The following PTPRD variants were observed in gnomAD, a reference collection of about 807,000 sequenced individuals.
PTPRD encodes receptor-type tyrosine-protein phosphatase delta.
Under a neutral mutation model 214.5 loss-of-function variants are expected in PTPRD, and 34 were observed. The observed-to-expected ratio is 0.16, with a 90% CI of 0.12 to 0.21. The LOEUF (loss-of-function observed/expected upper bound fraction) is 0.21, where lower values mean the gene tolerates loss of function less well. Among genes scored for constraint, PTPRD ranks in the 10% least tolerant of loss-of-function variants. PTPRD has a pLI of 1.00. For synonymous variants in PTPRD, 1,128 were observed against 845.7 expected (o/e 1.33, Z -5.79); for missense variants, 2,545 against 2,398.7 (o/e 1.06, Z -1.27).
chr9:9,052,439 T>A (rs538754058), intron 10 of PTPRD, among the ~76,000 whole-genome samples: 2 of 152,350 alleles, frequency 1.3e-5, no homozygotes, highest in South Asian at 4.1e-4. Context: ...CCCATTCCTT[T>A]GTGTCCCATA....
chr9:9,469,621 G>T (rs1446648072), intron 8 of PTPRD, among the ~76,000 whole-genome samples: 2 of 152,188 alleles, frequency 1.3e-5, no homozygotes, highest in Non-Finnish European at 2.9e-5. Flanking sequence ...ACTAATTTGA[G>T]CATATACATT....
intron 8 of PTPRD, among the ~76,000 whole-genome samples, chr9:9,437,369 T>C (rs1412877): frequency 0.29 from 44,341 of 152,000 alleles, 6,520 homozygotes; most frequent in Admixed American, 0.32. Flanking sequence ...AATTTTTGAT[T>C]GCACTGTCAC....
chr9:9,947,474 TATATATTTTA>T (rs2092832414), intron 4 of PTPRD, among the ~76,000 whole-genome samples: 1 of 39,902 alleles, frequency 2.5e-5, no homozygotes, highest in African/African-American at 1.2e-4. Context: ...CTATATATTA[TATATATTTTA>T]TATATATTAT....
At chr9:9,370,421 T>C (rs1211530032) in intron 9 of PTPRD, among the ~76,000 whole-genome samples, 1 of 151,816 alleles carries the variant, frequency 6.6e-6, no homozygotes, top group Non-Finnish European at 1.5e-5. Context: ...TTGTCTGTTA[T>C]TGGTGTATAA....
chr9:8,526,867 T>C (rs777396589), intron 16 of PTPRD, among the ~76,000 whole-genome samples: 1 of 152,064 alleles, frequency 6.6e-6, no homozygotes, highest in African/African-American at 2.4e-5. Flanking sequence ...AAGACCGCAA[T>C]AGGCAGCATT....
intron 6 of PTPRD, among the ~76,000 whole-genome samples, chr9:9,734,778 A>G (rs2098263288): frequency 6.6e-6 from 1 of 152,122 alleles, no homozygotes; most frequent in African/African-American, 2.4e-5. Context: ...ATTAAAACAA[A>G]GGAAAAAAGG....
chr9:8,375,825 T>C (rs1359180274), intron 39 of PTPRD, 111 bp downstream of exon 39: 27 of 1,291,566 alleles, frequency 2.1e-5, no homozygotes, highest in Non-Finnish European at 2.7e-5. Flanking sequence ...GAGAGCTGTA[T>C]TATTTATGAA....
chr9:10,493,686 T>A (rs551119620), intron 2 of PTPRD, among the ~76,000 whole-genome samples: 1 of 152,140 alleles, frequency 6.6e-6, no homozygotes, highest in East Asian at 1.9e-4. Context: ...ATTCTTATAT[T>A]TTCATTTTCT....
intron 10 of PTPRD, among the ~76,000 whole-genome samples, chr9:9,163,681 T>C (rs1390209424): frequency 6.6e-6 from 1 of 152,166 alleles, no homozygotes; most frequent in Non-Finnish European, 1.5e-5. Flanking sequence ...CCTACTGCCC[T>C]TATGATCAAG....
chr9:9,270,520 G>C (rs1157620797), intron 9 of PTPRD, among the ~76,000 whole-genome samples: 4 of 151,364 alleles, frequency 2.6e-5, no homozygotes, highest in Admixed American at 2.6e-4. Context: ...AACAATGGAA[G>C]GCTGACGTGG....
intron 11 of PTPRD, among the ~76,000 whole-genome samples, chr9:8,784,412 C>T (rs2154496855): frequency 6.6e-6 from 1 of 152,278 alleles, no homozygotes; most frequent in Non-Finnish European, 1.5e-5. Flanking sequence ...ATTTTCATTG[C>T]TTAAGGTGTA....
intron 5 of PTPRD, among the ~76,000 whole-genome samples, chr9:9,815,779 CAA>C (rs1443294986): frequency 1.3e-5 from 2 of 152,042 alleles, no homozygotes; most frequent in African/African-American, 4.8e-5. Flanking sequence ...GTATGTTGGT[CAA>C]AGAGTCCAGA....
intron 12 of PTPRD, among the ~76,000 whole-genome samples, chr9:8,722,109 C>A (rs897314528): frequency 2.7e-5 from 4 of 146,078 alleles, no homozygotes; most frequent in Admixed American, 1.4e-4. Context: ...TTTCTCCATA[C>A]ATTAAGTATT....
At chr9:9,209,840 T>G (rs1000729958) in intron 9 of PTPRD, among the ~76,000 whole-genome samples, 1 of 152,166 alleles carries the variant, frequency 6.6e-6, no homozygotes, top group African/African-American at 2.4e-5. Flanking sequence ...GTTTCATGGA[T>G]GCTGACAGAA....
At chr9:8,648,820 A>T (rs1022145132) in intron 12 of PTPRD, among the ~76,000 whole-genome samples, 1 of 152,214 alleles carries the variant, frequency 6.6e-6, no homozygotes, top group Non-Finnish European at 1.5e-5. Context: ...GACCAAAAAG[A>T]ACCTCTACCA....
rs538391985 is a variant in PTPRD, at chr9:9,938,533, C to A, written c.-394G>T. On this transcript the variant is annotated 5_prime_UTR_variant, in exon 5 of 46. Coordinates refer to ENST00000381196, the MANE Select transcript of PTPRD (RefSeq NM_002839.4). ...TGGAGCCGAAGCCCATCGCTTCCCT[C>A]GGTGCCAACATGCTGTCAGTCAGAC... 1 of 152,076 alleles carries A rather than the reference C, an allele frequency of 6.6e-6. No individual in the cohort carries two copies. The highest frequency in any genetic ancestry group is 1.5e-5 in the Non-Finnish European group (1 of 68,014). The allele number at this position is 152,076 out of a possible 1,614,324, so 9.4% of individuals were successfully genotyped here. A position where few individuals can be genotyped will look rare whatever the true frequency, so the allele number is the denominator to read the frequency against.
intron 14 of PTPRD, among the ~76,000 whole-genome samples, chr9:8,553,512 G>T (rs1333445351): frequency 6.6e-6 from 1 of 152,064 alleles, no homozygotes; most frequent in African/African-American, 2.4e-5. Flanking sequence ...TCGTTTACTG[G>T]ACACTTACCC....
intron 2 of PTPRD, among the ~76,000 whole-genome samples, chr9:10,348,452 T>C (rs994984202): frequency 6.6e-6 from 1 of 152,184 alleles, no homozygotes; most frequent in African/African-American, 2.4e-5. Context: ...GGTAAAACAC[T>C]GCCCCTTACG....
chr9:9,749,790 C>T (rs1329824312), intron 6 of PTPRD, among the ~76,000 whole-genome samples: 1 of 152,140 alleles, frequency 6.6e-6, no homozygotes, highest in Non-Finnish European at 1.5e-5. Flanking sequence ...ATTAGAACAA[C>T]TCTCAGGTTA....
Sources: gnomAD v4.1 joint callset for allele counts (sites outside exome capture counted in the v4.1 genomes callset) on GRCh38, gnomAD v4.1.1 for gene constraint, MANE v1.5 for transcripts, NCBI Gene and HGNC (gene_info 2026-07-23, HGNC 2026-07-21) for gene names.